Variants in NAALADL2 observed in about 807,000 individuals in gnomAD.
NAALADL2 encodes the protein inactive N-acetylated-alpha-linked acidic dipeptidase-like protein 2.
A neutral mutation model predicts 87.2 loss-of-function variants in NAALADL2; 76 were observed. That is an observed-to-expected ratio of 0.87 (90% CI 0.72 to 1.05). NAALADL2 has a LOEUF of 1.05. Among genes scored for constraint, NAALADL2 ranks in the 50% least tolerant of loss-of-function variants. NAALADL2 has a pLI of 0.00. For missense variants in NAALADL2, 1,089 were observed against 945.8 expected, an observed-to-expected ratio of 1.15 and a Z score of -1.99; for synonymous variants, 354 against 331.0, an observed-to-expected ratio of 1.07 and a Z score of -0.75.
chr3:175,282,688 T>G (rs1020137213), intron 4 of NAALADL2, among the ~76,000 whole-genome samples: 4 of 152,068 alleles, frequency 2.6e-5, no homozygotes, highest in Non-Finnish European at 4.4e-5. Context: ...TAATATTTAT[T>G]ACATTTATTC....
chr3:174,633,137 G>C lies in NAALADL2; in HGVS notation c.-115+82500G>C, dbSNP rs577523437. Among the ~76,000 whole-genome samples the C allele has an allele frequency of 2.6e-5, 4 of 151,514 alleles. No homozygotes were observed. In the East Asian group the frequency reaches 7.8e-4, roughly 29 times the overall value. ...TTGATACTACCAGTATTTGGTTGCC[G>C]TTTTTTTGGCATTTGACATGTAAAA... On this transcript the variant is annotated intron_variant, in intron 2 of 3. Transcript: ENST00000434257.
At chr3:174,507,131 T>C (rs1320717764) in intron 1 of NAALADL2, among the ~76,000 whole-genome samples, 1 of 152,156 alleles carries the variant, frequency 6.6e-6, no homozygotes, top group African/African-American at 2.4e-5. Flanking sequence ...CTTTTTGAAG[T>C]TTGATTCTTA....
intron 2 of NAALADL2, among the ~76,000 whole-genome samples, chr3:175,150,481 T>G (rs111489342): frequency 1.1e-4 from 17 of 152,168 alleles, no homozygotes; most frequent in African/African-American, 3.9e-4. Context: ...TATATGTTGT[T>G]TGTCTTTTGG....
rs1184790223 is a variant in NAALADL2 at position 175,013,290 on chromosome 3, TATATATA to T, written c.44-83499_44-83493del. Among the ~76,000 whole-genome samples, 75 of 86,654 alleles carry T rather than the reference TATATATA, an allele frequency of 8.7e-4. 2 individuals carry two copies. Among genetic ancestry groups the T allele is most frequent in the African/African-American group, 4.9e-3 (71 of 14,624 alleles). The allele number at this position is 86,654 out of a possible 152,430, so 56.8% of individuals were successfully genotyped here. ...TTTTATATATATACATATATATATA[TATATATA>T]TATATTTTTTTTTTTTTTTGAGACA... On this transcript the variant is annotated intron_variant, in intron 1 of 13. Coordinates refer to ENST00000454872, the MANE Select transcript of NAALADL2 (RefSeq NM_207015.3).
At chr3:174,724,829 A>G (rs1201972444) in intron 2 of NAALADL2, among the ~76,000 whole-genome samples, 2 of 152,200 alleles carry the variant, frequency 1.3e-5, no homozygotes, top group African/African-American at 2.4e-5. Context: ...GGTAGAGTGT[A>G]TACTATAAAT....
At chr3:174,668,361 A>T (rs1726176499) in intron 2 of NAALADL2, among the ~76,000 whole-genome samples, 1 of 151,816 alleles carries the variant, frequency 6.6e-6, no homozygotes. Context: ...TTTAAGTTTG[A>T]TGTAGTCTTA....
At chr3:174,787,128 C>A (rs368275747) in intron 3 of NAALADL2, among the ~76,000 whole-genome samples, 4 of 151,748 alleles carry the variant, frequency 2.6e-5, no homozygotes, top group African/African-American at 9.7e-5. Context: ...AGTGAAATGA[C>A]CCATTTTATG....
chr3:174,948,012 T>A (rs1392406578), intron 1 of NAALADL2, among the ~76,000 whole-genome samples: 1 of 152,130 alleles, frequency 6.6e-6, no homozygotes, highest in Non-Finnish European at 1.5e-5. Context: ...TAATTAGACA[T>A]GTAACACCTT....
chr3:174,799,745 G>T (rs1718587793), intron 3 of NAALADL2, among the ~76,000 whole-genome samples: 1 of 152,158 alleles, frequency 6.6e-6, no homozygotes, highest in African/African-American at 2.4e-5. Flanking sequence ...TAGTTTGGAG[G>T]GCTGAGAAGA....
chr3:175,013,926 G>A (rs1025957073), intron 1 of NAALADL2, among the ~76,000 whole-genome samples: 25 of 151,994 alleles, frequency 1.6e-4, no homozygotes, highest in Non-Finnish European at 3.7e-4. Flanking sequence ...TTTAAACCTC[G>A]ATCTTAGGAT....
At chr3:175,169,333 A>G (rs1734444444) in intron 2 of NAALADL2, among the ~76,000 whole-genome samples, 1 of 151,534 alleles carries the variant, frequency 6.6e-6, no homozygotes, top group Admixed American at 6.6e-5. Context: ...CTGGACAGCT[A>G]GCTTTAAGTT....
At chr3:175,255,641 C>T (rs1271131151) in intron 3 of NAALADL2, among the ~76,000 whole-genome samples, 1 of 152,052 alleles carries the variant, frequency 6.6e-6, no homozygotes, top group Non-Finnish European at 1.5e-5. Flanking sequence ...ATCTGCAGTT[C>T]AGTGCTTTTT....
chr3:174,899,464 AAGTT>A (rs962174954), intron 1 of NAALADL2, among the ~76,000 whole-genome samples: 2 of 152,088 alleles, frequency 1.3e-5, no homozygotes, highest in Non-Finnish European at 2.9e-5. Flanking sequence ...TCCAGGTAGT[AAGTT>A]CTCTTGAGAT....
At chr3:175,027,997 A>G (rs1039109840) in intron 1 of NAALADL2, among the ~76,000 whole-genome samples, 34 of 152,150 alleles carry the variant, frequency 2.2e-4, no homozygotes, top group Non-Finnish European at 4.9e-4. Flanking sequence ...AGTCAATACA[A>G]GTAAGGGCAT....
chr3:174,471,819 A>G lies in NAALADL2; in HGVS notation c.-184+30787A>G, dbSNP rs552998269. ...AATTCTTGGCATAAAGTTGTGTTCAATGAGTGTTGGCTATTCCTGTCAATA... is the reference window on the plus strand; with the variant it reads ...AATTCTTGGCATAAAGTTGTGTTCAGTGAGTGTTGGCTATTCCTGTCAATA... On this transcript the variant is annotated intron_variant, in intron 1 of 3. Coordinates refer to the NAALADL2 transcript ENST00000434257. Among the ~76,000 whole-genome samples, 10 of 152,204 alleles carry G rather than the reference A, an allele frequency of 6.6e-5. No homozygotes were observed. In the East Asian group the frequency reaches 1.2e-3, roughly 18 times the overall value.
chr3:175,245,250 T>C (rs1381002866), intron 3 of NAALADL2, among the ~76,000 whole-genome samples: 1 of 152,206 alleles, frequency 6.6e-6, no homozygotes, highest in African/African-American at 2.4e-5. Context: ...GACAGCTATA[T>C]AATCTCTAAG....
chr3:175,626,281 T>C (rs1726968852), intron 10 of NAALADL2, among the ~76,000 whole-genome samples: 1 of 151,998 alleles, frequency 6.6e-6, no homozygotes, highest in African/African-American at 2.4e-5. Context: ...CTCATATTTT[T>C]TGTATTTTTA....
At chr3:174,988,811 A>G (rs1365856429) in intron 1 of NAALADL2, among the ~76,000 whole-genome samples, 1 of 152,176 alleles carries the variant, frequency 6.6e-6, no homozygotes, top group Non-Finnish European at 1.5e-5. Flanking sequence ...ATCTTAACTA[A>G]TTAGATCTGT....
intron 3 of NAALADL2, among the ~76,000 whole-genome samples, chr3:175,245,501 A>C (rs1747800128): frequency 6.6e-6 from 1 of 152,190 alleles, no homozygotes; most frequent in Non-Finnish European, 1.5e-5. Flanking sequence ...TTAGATTGTA[A>C]AACTGAAGAC....
Sources: gnomAD v4.1 joint callset for allele counts (sites outside exome capture counted in the v4.1 genomes callset) on GRCh38, gnomAD v4.1.1 for gene constraint, MANE v1.5 for transcripts, NCBI Gene and HGNC (gene_info 2026-07-23, HGNC 2026-07-21) for gene names.